Variants in ZBTB7C observed in about 807,000 individuals in gnomAD.
ZBTB7C encodes the protein zinc finger and BTB domain containing 7C, also known as zinc finger and BTB domain-containing protein 7C.
A neutral mutation model predicts 25.7 loss-of-function variants in ZBTB7C; 8 were observed. The ratio of observed to expected loss-of-function variants is 0.31; its 90% CI spans 0.18 to 0.56. The LOEUF (loss-of-function observed/expected upper bound fraction) is 0.56. ZBTB7C is among the 20% of genes least tolerant of loss of function. The pLI is 0.91. For synonymous variants in ZBTB7C, 394 were observed against 369.0 expected (o/e 1.07, Z -0.78); for missense variants, 824 against 855.2 (o/e 0.96, Z 0.46).
intron 2 of ZBTB7C, among the ~76,000 whole-genome samples, chr18:48,212,435 T>C (rs983837578): frequency 9.2e-5 from 14 of 151,988 alleles, no homozygotes; most frequent in African/African-American, 2.9e-4. Context: ...TCCAAACCTA[T>C]AGAATATACC....
chr18:48,168,699 A>C (rs1367166935), intron 3 of ZBTB7C, among the ~76,000 whole-genome samples: 2 of 152,202 alleles, frequency 1.3e-5, no homozygotes, highest in Non-Finnish European at 2.9e-5. Flanking sequence ...AAAGCTTATC[A>C]CCTGTCCTGG....
chr18:48,207,594 T>TATCTATCTATCTATCTATCTATCTATCC (rs2042606609), intron 2 of ZBTB7C, among the ~76,000 whole-genome samples: 1 of 146,812 alleles, frequency 6.8e-6, no homozygotes, highest in African/African-American at 2.4e-5. Flanking sequence ...TCTATCTATC[T>TATCTATCTATCTATCTATCTATCTATCC]ATCTATCTAT....
At chr18:48,385,738 C>T (rs2047732086) in intron 1 of ZBTB7C, among the ~76,000 whole-genome samples, 1 of 152,180 alleles carries the variant, frequency 6.6e-6, no homozygotes, top group African/African-American at 2.4e-5. Flanking sequence ...ACAGGAAACC[C>T]TCGATATTTG....
At chr18:48,391,884 A>G (rs16949170) in intron 1 of ZBTB7C, among the ~76,000 whole-genome samples, 8,303 of 152,326 alleles carry the variant, frequency 0.055, 264 homozygotes, top group Non-Finnish European at 0.074. Context: ...TAGAAACTCA[A>G]GGAAAGCTCT....
chr18:48,076,363 T>C (rs2037764808), intron 3 of ZBTB7C, among the ~76,000 whole-genome samples: 1 of 152,146 alleles, frequency 6.6e-6, no homozygotes, highest in South Asian at 2.1e-4. Context: ...CAAGGTTTAA[T>C]GTGGTAAGGA....
In ZBTB7C at chr18:48,040,193, G is replaced by A. The variant is rs1404109295; in HGVS notation, c.915C>T (p.Phe305=). 6.4e-7 allele frequency: 1 copy of A among 1,574,202 alleles called. No individual in the cohort carries two copies. The highest frequency in any genetic ancestry group is 2.2e-5 in the East Asian group (1 of 44,698). ...ACATGTCCTTGAAGAAGTCATTAGG[G>A]AAGGGTGGCGGTGGGGGTGGGGGCA... ...EELPPPPPPP[F]PNDFFKDMFP... is the part of the protein sequence containing the mutation. Residue 305 remains phenylalanine, a synonymous_variant, in exon 4 of 5, where the codon TTC becomes TTT. Transcript: ENST00000590800.
In ZBTB7C at chr18:48,039,939, T is replaced by C; in HGVS notation, c.1169A>G (p.Lys390Arg). The change falls in exon 4 of 5, where the codon AAG (lysine) becomes AGG (arginine). Residue 390 changes from lysine (K) to arginine (R), a missense_variant. This residue lies in a region of ZBTB7C where 49 missense variants were observed against 81.3 expected (regional missense o/e 0.60). Transcript: ENST00000590800. ...CTCGCAGATGGTGCACATGTATGGC[T>C]TCTCCCCGGTATGGGTCCTCATGTG... ...PRHMRTHTGE[K>R]PYMCTICEVR... The C allele has an allele frequency of 1.2e-6, 2 of 1,613,758 alleles. No individual in the cohort carries two copies. The highest frequency in any genetic ancestry group is 2.2e-5 in the South Asian group (2 of 91,084).
intron 3 of ZBTB7C, among the ~76,000 whole-genome samples, chr18:48,042,049 T>C (rs1181375335): frequency 6.6e-6 from 1 of 152,204 alleles, no homozygotes; most frequent in Non-Finnish European, 1.5e-5. Context: ...CTGGCATCCC[T>C]TCCTTTCAGG....
chr18:48,033,923 G>A (rs561625164), intron 4 of ZBTB7C, among the ~76,000 whole-genome samples: 9 of 152,266 alleles, frequency 5.9e-5, no homozygotes, highest in Admixed American at 4.6e-4. Context: ...TAAAATGCGG[G>A]TTGGGCTGCA....
intron 2 of ZBTB7C, among the ~76,000 whole-genome samples, chr18:48,269,427 C>T (rs1000573760): frequency 5.3e-5 from 8 of 152,238 alleles, no homozygotes; most frequent in Admixed American, 4.6e-4. Context: ...ATACTATCAC[C>T]TTGGAGGTTA....
intron 2 of ZBTB7C, among the ~76,000 whole-genome samples, chr18:48,283,318 TG>T (rs1446325847): frequency 6.6e-6 from 1 of 152,232 alleles, no homozygotes; most frequent in Non-Finnish European, 1.5e-5. Context: ...TTTTATAAAA[TG>T]TTTAATGAGA....
chr18:48,336,619 A>G (rs77030488), intron 2 of ZBTB7C, among the ~76,000 whole-genome samples: 4,855 of 152,278 alleles, frequency 0.032, 102 homozygotes, highest in South Asian at 0.098. Flanking sequence ...AGTAAACATT[A>G]GTAACATAGG....
chr18:48,395,902 A>G (rs551049409), intron 1 of ZBTB7C, among the ~76,000 whole-genome samples: 2 of 152,318 alleles, frequency 1.3e-5, no homozygotes, highest in Admixed American at 1.3e-4. Context: ...AAAAGAAAAA[A>G]GCTTTTAGTT....
chr18:48,319,879 C>G (rs937635653), intron 2 of ZBTB7C, among the ~76,000 whole-genome samples: 1 of 151,978 alleles, frequency 6.6e-6, no homozygotes, highest in African/African-American at 2.4e-5. Flanking sequence ...ACCAATAGTT[C>G]AAAAGCAGGG....
intron 1 of ZBTB7C, among the ~76,000 whole-genome samples, chr18:48,377,561 T>C (rs2047548006): frequency 6.6e-6 from 1 of 152,232 alleles, no homozygotes; most frequent in Non-Finnish European, 1.5e-5. Flanking sequence ...CAGAAGCTGA[T>C]TAAATATGAC....
intron 1 of ZBTB7C, among the ~76,000 whole-genome samples, chr18:48,363,147 A>G (rs561290018): frequency 6.6e-6 from 1 of 152,330 alleles, no homozygotes; most frequent in South Asian, 2.1e-4. Context: ...CCTGAAAGAT[A>G]CTGAGGCTCA....
At chr18:48,207,915 G>A (rs1183919210) in intron 2 of ZBTB7C, among the ~76,000 whole-genome samples, 1 of 152,176 alleles carries the variant, frequency 6.6e-6, no homozygotes, top group East Asian at 1.9e-4. Flanking sequence ...GAGCTATCCA[G>A]AGTGCTGGGA....
At chr18:48,291,830 G>A (rs1009532520) in intron 2 of ZBTB7C, among the ~76,000 whole-genome samples, 11 of 152,124 alleles carry the variant, frequency 7.2e-5, no homozygotes, top group African/African-American at 2.7e-4. Flanking sequence ...TTTGGAGGCA[G>A]GGCTAACTCA....
rs117893828 is a variant in ZBTB7C at position 48,188,545 on chromosome 18, G to A, written c.-78-2550C>T. Among the ~76,000 whole-genome samples, 134 of 152,272 alleles carry A rather than the reference G, an allele frequency of 8.8e-4. 2 individuals carry two copies. The East Asian group carries it at 0.015, about 18-fold the overall frequency. Reference sequence around the variant, plus strand: ...GAGTTACAATTCAAGATGAGATTTGGGTGGGGACACAGCCAAACTATATCA... The same window carrying A: ...GAGTTACAATTCAAGATGAGATTTGAGTGGGGACACAGCCAAACTATATCA... On this transcript the variant is annotated intron_variant, in intron 2 of 4. Transcript: ENST00000590800.
Sources: gnomAD v4.1 joint callset for allele counts (sites outside exome capture counted in the v4.1 genomes callset) on GRCh38, gnomAD v4.1.1 for gene constraint, gnomAD v4.1.1 regional missense constraint, MANE v1.5 for transcripts, NCBI Gene and HGNC (gene_info 2026-07-23, HGNC 2026-07-21) for gene names.